The following ZNF215 variants were observed in gnomAD, a reference collection of about 807,000 sequenced individuals.
ZNF215 encodes the protein BWSCR2-associated zinc finger protein 2.
A neutral mutation model predicts 27.2 loss-of-function variants in ZNF215; 24 were observed. That is an observed-to-expected ratio of 0.88 (90% confidence interval 0.64 to 1.24). The LOEUF (loss-of-function observed/expected upper bound fraction) is 1.24. Among genes scored for constraint, ZNF215 ranks in the 50% most tolerant of loss-of-function variants. The pLI, the probability that ZNF215 is intolerant of heterozygous loss-of-function variation, is 0.00. For missense variants in ZNF215, 675 were observed against 605.7 expected (o/e 1.11, Z -1.20); for synonymous variants, 210 against 204.0 (o/e 1.03, Z -0.25).
chr11:6,963,758 T>TGAGA (rs1362619823), intron 5 of ZNF215, among the ~76,000 whole-genome samples: 1 of 152,120 alleles, frequency 6.6e-6, no homozygotes, highest in Non-Finnish European at 1.5e-5. Context: ...CCATAATGGA[T>TGAGA]GAGAGTACCT....
At chr11:6,976,787 A>G (rs377465753) in intron 5 of ZNF215, among the ~76,000 whole-genome samples, 1 of 152,066 alleles carries the variant, frequency 6.6e-6, no homozygotes, top group Non-Finnish European at 1.5e-5. Context: ...AGAAATACAC[A>G]TGTATATGTT....
chr11:6,963,886 G>A (rs558427925), intron 5 of ZNF215, among the ~76,000 whole-genome samples: 1 of 152,106 alleles, frequency 6.6e-6, no homozygotes, highest in South Asian at 2.1e-4. Context: ...CAAATTTTGT[G>A]AGCTAAGTGA....
downstream of ZNF215, among the ~76,000 whole-genome samples, chr11:6,986,367 C>T (rs945484608): frequency 6.6e-6 from 1 of 152,034 alleles, no homozygotes; most frequent in African/African-American, 2.4e-5. Flanking sequence ...ACACCATAAA[C>T]CAAAACTAAC....
intron 5 of ZNF215, among the ~76,000 whole-genome samples, chr11:6,973,168 T>C (rs1046087982): frequency 6.6e-6 from 1 of 152,164 alleles, no homozygotes. Context: ...GTCCTTGCAA[T>C]AGTTTGCTCA....
chr11:6,954,445 G>A (rs1045110932), intron 6 of ZNF215, among the ~76,000 whole-genome samples: 1 of 152,214 alleles, frequency 6.6e-6, no homozygotes, highest in Non-Finnish European at 1.5e-5. Context: ...GCAATGGCGG[G>A]AGCCCCTCCC....
chr11:6,956,710 AG>A lies in ZNF215; in HGVS notation c.*181del. ...TATCATTGGATAGAAATCTGTTTGA[AG>A]GAATTTTCCTGGTTTTCAGATGAAG... is the stretch of plus-strand genomic sequence containing the variant. On this transcript the variant is annotated 3_prime_UTR_variant, in exon 7 of 7. Coordinates refer to ENST00000278319, the MANE Select transcript of ZNF215 (RefSeq NM_013250.4). The A allele has an allele frequency of 2.2e-6, 3 of 1,384,476 alleles. No homozygotes were observed. Among genetic ancestry groups the A allele is most frequent in the Non-Finnish European group, 1.9e-6 (2 of 1,076,886 alleles). The allele number at this position is 1,384,476 out of a possible 1,614,324, so 85.8% of individuals were successfully genotyped here.
intron 5 of ZNF215, among the ~76,000 whole-genome samples, chr11:6,979,845 G>T (rs984121337): frequency 6.6e-6 from 1 of 152,020 alleles, no homozygotes; most frequent in Non-Finnish European, 1.5e-5. Flanking sequence ...GGGGATGGGG[G>T]CAAGAAAATA....
At chr11:6,963,386 T>C (rs1385543503) in intron 5 of ZNF215, among the ~76,000 whole-genome samples, 1 of 152,120 alleles carries the variant, frequency 6.6e-6, no homozygotes, top group Non-Finnish European at 1.5e-5. Flanking sequence ...TTGCATGTTA[T>C]TTATTGCTGA....
At chr11:6,975,834 A>T (rs1261734691) in intron 5 of ZNF215, among the ~76,000 whole-genome samples, 1 of 152,134 alleles carries the variant, frequency 6.6e-6, no homozygotes, top group Non-Finnish European at 1.5e-5. Flanking sequence ...TTTCTTTGAT[A>T]TACTGATTTC....
At chr11:6,976,778 GAA>G (rs1489484956) in intron 5 of ZNF215, among the ~76,000 whole-genome samples, 1 of 152,046 alleles carries the variant, frequency 6.6e-6, no homozygotes, top group Non-Finnish European at 1.5e-5. Flanking sequence ...TTTGTGGAGA[GAA>G]ATACACATGT....
chr11:6,934,199 T>C (rs1380265907), intron 3 of ZNF215, among the ~76,000 whole-genome samples: 1 of 152,056 alleles, frequency 6.6e-6, no homozygotes, highest in Admixed American at 6.5e-5. Context: ...CCAGAAAAGA[T>C]TGGTATCTGA....
downstream of ZNF215, among the ~76,000 whole-genome samples, chr11:6,961,707 T>G (rs1054228182): frequency 2.0e-5 from 3 of 152,140 alleles, no homozygotes; most frequent in Non-Finnish European, 2.9e-5. Flanking sequence ...ATTCACAGCT[T>G]TTAGTTGCTC....
chr11:6,966,513 T>G (rs1047438299), intron 5 of ZNF215, among the ~76,000 whole-genome samples: 1 of 152,086 alleles, frequency 6.6e-6, no homozygotes. Flanking sequence ...AAAAAAATGT[T>G]TATATCATCT....
chr11:6,941,448 A>G, intron 3 of ZNF215, 123 bp from the exon 4 acceptor site: 1 of 751,908 alleles, frequency 1.3e-6, no homozygotes, highest in South Asian at 2.2e-5. Context: ...GCAGGGCCTG[A>G]CATTATTTTT....
At chr11:6,945,342 G>A (rs533562812) in intron 6 of ZNF215, among the ~76,000 whole-genome samples, 1 of 151,984 alleles carries the variant, frequency 6.6e-6, no homozygotes, top group South Asian at 2.1e-4. Flanking sequence ...TTTTCTGGTC[G>A]TTACTGATTT....
In ZNF215 at chr11:6,956,252, T is replaced by A; in HGVS notation, c.1275T>A (p.His425Gln). Reference sequence around the variant, plus strand: ...ACCGACGTACAAACCTTACTAAGCATCAAAAACTTCATGCTGAAGCAAAGG... The same window carrying A: ...ACCGACGTACAAACCTTACTAAGCAACAAAAACTTCATGCTGAAGCAAAGG... ...FFNRRTNLTK[H>Q]QKLHAEAKAC... Residue 425 changes from histidine (H) to glutamine (Q), a missense_variant, in exon 7 of 7, where the codon CAT (histidine) becomes CAA (glutamine). His to Gln is a conservative substitution (Grantham distance 24, BLOSUM62 0). Coordinates refer to ENST00000278319, the MANE Select transcript of ZNF215 (RefSeq NM_013250.4). 1 of 1,613,782 alleles carries A rather than the reference T, an allele frequency of 6.2e-7. No individual in the cohort carries two copies. The highest frequency in any genetic ancestry group is 1.1e-5 in the South Asian group (1 of 91,044).
intron 6 of ZNF215, among the ~76,000 whole-genome samples, chr11:6,952,402 A>C (rs1415266799): frequency 6.6e-6 from 1 of 152,090 alleles, no homozygotes; most frequent in Non-Finnish European, 1.5e-5. Context: ...GACTTGCTTT[A>C]TGAATCTGGG....
chr11:6,985,199 G>T (rs2131054), downstream of ZNF215, among the ~76,000 whole-genome samples: 1 of 151,850 alleles, frequency 6.6e-6, no homozygotes, highest in Non-Finnish European at 1.5e-5. Context: ...GATAATTCAC[G>T]ATGATGAAGT....
At chr11:6,981,430 A>G (rs1313774154) in intron 5 of ZNF215, among the ~76,000 whole-genome samples, 1 of 151,946 alleles carries the variant, frequency 6.6e-6, no homozygotes, top group Admixed American at 6.6e-5. Flanking sequence ...GTCTGTTCAT[A>G]TCCTTCGCCC....
Sources: allele counts gnomAD v4.1 joint callset (sites outside exome capture counted in the v4.1 genomes callset), GRCh38; gene constraint gnomAD v4.1.1; transcripts MANE v1.5; gene names NCBI Gene and HGNC (gene_info 2026-07-23, HGNC 2026-07-21).